The following ADAMTS9 variants were observed in gnomAD, a reference collection of about 807,000 sequenced individuals.
ADAMTS9 encodes the protein A disintegrin and metalloproteinase with thrombospondin motifs 9.
A neutral mutation model predicts 257.1 loss-of-function variants in ADAMTS9; 107 were observed. The ratio of observed to expected loss-of-function variants is 0.42; its 90% CI spans 0.36 to 0.49. The LOEUF is 0.49. Among genes scored for constraint, ADAMTS9 ranks in the 20% least tolerant of loss-of-function variants. ADAMTS9 has a pLI of 0.03. For synonymous variants in ADAMTS9, 982 were observed against 880.9 expected, an observed-to-expected ratio of 1.11 and a Z score of -2.03; for missense variants, 2,353 against 2,469.1, an observed-to-expected ratio of 0.95 and a Z score of 1.00.
At chr3:64,575,750 A>G (rs75372051) in intron 28 of ADAMTS9, among the ~76,000 whole-genome samples, 1,615 of 152,318 alleles carry the variant, frequency 0.011, 60 homozygotes, top group East Asian at 0.076. Context: ...GGAGAATAGT[A>G]GTAACTGTAC....
intron 15 of ADAMTS9, 113 bp from the exon 16 acceptor site, chr3:64,631,663 T>G: frequency 8.4e-7 from 1 of 1,187,832 alleles, no homozygotes; most frequent in East Asian, 2.3e-5. Flanking sequence ...ATAATTCTAT[T>G]AGGTGCCTTC....
chr3:64,681,788 G>A (rs2107051403), intron 2 of ADAMTS9, among the ~76,000 whole-genome samples: 1 of 152,158 alleles, frequency 6.6e-6, no homozygotes, highest in East Asian at 1.9e-4. Flanking sequence ...GCCTCCCAAA[G>A]TGTCATATCA....
chr3:64,632,584 T>C (rs1413866122), intron 14 of ADAMTS9, among the ~76,000 whole-genome samples: 1 of 152,190 alleles, frequency 6.6e-6, no homozygotes, highest in Non-Finnish European at 1.5e-5. Context: ...AATGCAGCCA[T>C]GTACACTGAA....
Position 64,674,601 on chromosome 3 carries a change from C to T in ADAMTS9, c.679+6600G>A, listed in dbSNP as rs1701579070. ...CTGCCTGTTCTTGATCTTTACAAGG[C>T]TGAAAGGGTCTAAGAATGCAGAAAG... On this transcript the variant is annotated intron_variant, in intron 3 of 39. Transcript: ENST00000498707. Among the ~76,000 whole-genome samples, 4 of 152,188 alleles carry T rather than the reference C, an allele frequency of 2.6e-5. No homozygotes were observed. The South Asian group carries it at 8.3e-4, about 32-fold the overall frequency.
At chr3:64,539,398 A>G (rs1277733882) in intron 36 of ADAMTS9, 104 bp from the exon 37 acceptor site, 15 of 947,166 alleles carry the variant, frequency 1.6e-5, no homozygotes, top group Non-Finnish European at 2.5e-5. Flanking sequence ...GAAGAAGAAT[A>G]AGAGGGAATG....
chr3:64,628,587 A>C (rs1016712100), intron 16 of ADAMTS9, among the ~76,000 whole-genome samples: 8 of 151,780 alleles, frequency 5.3e-5, no homozygotes, highest in Admixed American at 3.3e-4. Context: ...TTCCCCCCCC[A>C]AAATAATTTG....
intron 22 of ADAMTS9, 147 bp from the exon 23 acceptor site, chr3:64,607,226 T>C: frequency 1.1e-6 from 1 of 914,618 alleles, no homozygotes. Flanking sequence ...AAGTGGGCAA[T>C]CCTGCTCTGT....
Position 64,576,498 on chromosome 3 carries a change from T to C in ADAMTS9, c.4357-7963A>G, listed in dbSNP as rs554181170. Reference sequence around the variant, plus strand: ...AACAGTGGCAGCGACAACCAAAATATTGAGGAAAAATGGAGAGAAAGCTTT... The same window carrying C: ...AACAGTGGCAGCGACAACCAAAATACTGAGGAAAAATGGAGAGAAAGCTTT... On this transcript the variant is annotated intron_variant, in intron 28 of 39. Coordinates refer to ENST00000498707, the MANE Select transcript of ADAMTS9 (RefSeq NM_182920.2). Among the ~76,000 whole-genome samples, 24 of 152,072 alleles carry C rather than the reference T, an allele frequency of 1.6e-4. No individual in the cohort carries two copies. In the South Asian group the frequency reaches 4.8e-3, roughly 30 times the overall value.
At position 64,640,921 on chromosome 3, in the gene ADAMTS9, G is replaced by A. The variant is rs12053983; in HGVS notation, c.1856+927C>T. ...AACATGTCAGTCCTAACAAGGTTAGGCTGGTAGAGGTTGCCATGGTCACAC... is the reference window on the plus strand; with the variant it reads ...AACATGTCAGTCCTAACAAGGTTAGACTGGTAGAGGTTGCCATGGTCACAC... On this transcript the variant is annotated intron_variant, in intron 12 of 39. Coordinates refer to ENST00000498707, the MANE Select transcript of ADAMTS9 (RefSeq NM_182920.2). 0.019 allele frequency among the ~76,000 whole-genome samples: 2,840 copies of A among 152,122 alleles called. 145 individuals carry two copies. The East Asian group carries it at 0.2, about 11-fold the overall frequency.
intron 28 of ADAMTS9, among the ~76,000 whole-genome samples, chr3:64,571,454 C>A (rs193195840): frequency 1.3e-5 from 2 of 152,294 alleles, no homozygotes; most frequent in East Asian, 3.9e-4. Context: ...GATAAAAATT[C>A]ATCTGAGGTA....
At chr3:64,681,137 C>G in intron 3 of ADAMTS9, 64 bp downstream of exon 3, 1 of 1,543,444 alleles carries the variant, frequency 6.5e-7, no homozygotes, top group Non-Finnish European at 8.7e-7. Context: ...AGCTACATCT[C>G]TGTAGTATAG....
Position 64,541,959 on chromosome 3 carries a change from A to T in ADAMTS9, c.5076T>A (p.Ser1692=), listed in dbSNP as rs536901708. ...RVGNWGSCSV[S]CGVGVMQRSV... The stretch of plus-strand genomic sequence containing the variant: ...ATCTCTGCATCACTCCAACACCACA[A>T]GACACTGAGCACTGTAAGACAAATG... Residue 1692 remains serine (S), a synonymous_variant, in exon 33 of 40, where the codon TCT becomes TCA. Transcript: ENST00000498707. 1 of 1,614,010 alleles carries T rather than the reference A, an allele frequency of 6.2e-7. No individual in the cohort carries two copies. The highest frequency in any genetic ancestry group is 8.5e-7 in the Non-Finnish European group (1 of 1,179,998).
At position 64,648,032 on chromosome 3, in the gene ADAMTS9, G is replaced by T. The variant is rs772780052; in HGVS notation, c.1618C>A (p.Arg540=). ...CCATTGACGTTATTGCACCAGAGCCGTCTGCACTGCATCTGCTCAATTCAA... is the reference window on the plus strand; with the variant it reads ...CCATTGACGTTATTGCACCAGAGCCTTCTGCACTGCATCTGCTCAATTCAA... ...QVCPYMMQCR[R]LWCNNVNGVH... Residue 540 remains arginine, a synonymous_variant, in exon 11 of 40, where the codon CGG becomes AGG. Coordinates refer to ENST00000498707, the MANE Select transcript of ADAMTS9 (RefSeq NM_182920.2). 2.5e-6 allele frequency: 4 copies of T among 1,611,820 alleles called. No individual in the cohort carries two copies. In the African/African-American group the frequency reaches 5.3e-5, roughly 22 times the overall value.
intron 16 of ADAMTS9, among the ~76,000 whole-genome samples, chr3:64,629,829 T>G (rs1023578787): frequency 6.6e-6 from 1 of 152,224 alleles, no homozygotes; most frequent in African/African-American, 2.4e-5. Flanking sequence ...AATGCCATAA[T>G]GGAGTCATGT....
intron 38 of ADAMTS9, among the ~76,000 whole-genome samples, chr3:64,526,846 G>T (rs2082917066): frequency 6.6e-6 from 1 of 152,088 alleles, no homozygotes; most frequent in African/African-American, 2.4e-5. Context: ...TAATATATGT[G>T]CTCAATGAAT....
At chr3:64,580,190 TTTTC>T (rs1444884826) in intron 28 of ADAMTS9, among the ~76,000 whole-genome samples, 1 of 152,230 alleles carries the variant, frequency 6.6e-6, no homozygotes, top group African/African-American at 2.4e-5. Context: ...AGGCCAGGTA[TTTTC>T]TTTCTTTTGG....
chr3:64,606,841 T>C, intron 23 of ADAMTS9, 119 bp downstream of exon 23: 2 of 1,240,560 alleles, frequency 1.6e-6, no homozygotes, highest in South Asian at 1.5e-5. Flanking sequence ...CAAATTAATC[T>C]ACTGGTTGCT....
At chr3:64,684,352 A>G (rs1701839969) in intron 2 of ADAMTS9, among the ~76,000 whole-genome samples, 1 of 152,166 alleles carries the variant, frequency 6.6e-6, no homozygotes, top group Non-Finnish European at 1.5e-5. Context: ...GACCCATCTC[A>G]GATGAAATTC....
At chr3:64,650,911 A>G in intron 9 of ADAMTS9, 106 bp downstream of exon 9, 1 of 1,275,162 alleles carries the variant, frequency 7.8e-7, no homozygotes, top group Non-Finnish European at 1.1e-6. Context: ...GTCAACAAAA[A>G]TAACTCAAAA....
Sources: gnomAD v4.1 joint callset for allele counts (sites outside exome capture counted in the v4.1 genomes callset) on GRCh38, gnomAD v4.1.1 for gene constraint, MANE v1.5 for transcripts, NCBI Gene and HGNC (gene_info 2026-07-23, HGNC 2026-07-21) for gene names.